Variants in CCDC30 observed in about 807,000 individuals in gnomAD.
CCDC30 encodes coiled-coil domain-containing protein 30.
Under a neutral mutation model 100.2 loss-of-function variants are expected in CCDC30, and 70 were observed. The observed-to-expected ratio is 0.70, with a 90% CI of 0.58 to 0.85. The LOEUF is 0.85. Among genes scored for constraint, CCDC30 ranks in the 40% least tolerant of loss-of-function variants. The pLI is 0.00. For synonymous variants in CCDC30, 233 were observed against 269.5 expected (o/e 0.86, Z 1.33); for missense variants, 652 against 771.2 (o/e 0.85, Z 1.83).
chr1:42,491,862 A>C (rs569091415), intron 4 of CCDC30: 30 of 393,406 alleles, frequency 7.6e-5, no homozygotes, highest in African/African-American at 6.1e-4. Context: ...GTTCAATATA[A>C]GAAATATTGG....
rs1645144554 is a variant in CCDC30, at chr1:42,546,428, A to ATATGTATATATGTATATATATATG, written c.457-19865_457-19864insGTATATATGTATATATATATGTAT. ...TATATATATATATATATATATATAT[A>ATATGTATATATGTATATATATATG]TATATATATATATAGTATTCTAATA... On this transcript the variant is annotated intron_variant, in intron 6 of 16. Coordinates refer to ENST00000668663, the Ensembl canonical transcript of CCDC30. Among the ~76,000 whole-genome samples, 10 of 73,738 alleles carry ATATGTATATATGTATATATATATG rather than the reference A, an allele frequency of 1.4e-4. 1 individual carries two copies. The highest frequency in any genetic ancestry group is 3.9e-4 in the African/African-American group (9 of 23,260). The allele number at this position is 73,738 out of a possible 152,430, so 48.4% of individuals were successfully genotyped here. A position where few individuals can be genotyped will look rare whatever the true frequency, so the allele number is the denominator to read the frequency against.
At chr1:42,573,835 T>C (rs1298928370) in intron 7 of CCDC30, among the ~76,000 whole-genome samples, 1 of 152,162 alleles carries the variant, frequency 6.6e-6, no homozygotes, top group Non-Finnish European at 1.5e-5. Flanking sequence ...CAAATACATG[T>C]TGAATTTCAT....
At chr1:42,620,507 G>A (rs1401918391) in intron 11 of CCDC30, among the ~76,000 whole-genome samples, 3 of 151,454 alleles carry the variant, frequency 2.0e-5, no homozygotes, top group African/African-American at 7.3e-5. Flanking sequence ...AATACCTACA[G>A]ACCTCGCTGG....
chr1:42,544,318 A>G (rs970501197), intron 6 of CCDC30, among the ~76,000 whole-genome samples: 2 of 152,212 alleles, frequency 1.3e-5, no homozygotes, highest in African/African-American at 4.8e-5. Flanking sequence ...CTGTTTGTCA[A>G]AACAAAACAA....
At chr1:42,566,522 T>G (rs374353929) in intron 7 of CCDC30, 47 bp downstream of exon 11, 122 of 1,510,912 alleles carry the variant, frequency 8.1e-5, no homozygotes, top group Non-Finnish European at 1.0e-4. Context: ...CAGTTGGCCC[T>G]GGGAATAAAC....
intron 6 of CCDC30, among the ~76,000 whole-genome samples, chr1:42,527,491 A>G (rs1644739215): frequency 6.6e-6 from 1 of 152,238 alleles, no homozygotes; most frequent in Admixed American, 6.5e-5. Flanking sequence ...CAAAGAATGA[A>G]GGCATATTTT....
intron 6 of CCDC30, among the ~76,000 whole-genome samples, chr1:42,554,061 G>A (rs187477160): frequency 1.4e-4 from 21 of 151,834 alleles, no homozygotes; most frequent in Non-Finnish European, 2.2e-4. Context: ...TTGTTTTTGC[G>A]CCACAATTTT....
chr1:42,475,097 AT>A (rs905766377), intron 1 of CCDC30, among the ~76,000 whole-genome samples: 10 of 152,122 alleles, frequency 6.6e-5, no homozygotes, highest in Non-Finnish European at 1.2e-4. Flanking sequence ...ATAGAAAAAA[AT>A]ATTAGAGATT....
At position 42,472,669 on chromosome 1, in the gene CCDC30, A is replaced by C. The variant is rs530126632; in HGVS notation, c.-91-7792A>C. On this transcript the variant is annotated intron_variant, in intron 1 of 16. Transcript: ENST00000668663. The stretch of plus-strand genomic sequence containing the variant: ...AGCTTTTTTTTTTTCCATTGTACAT[A>C]ATTTTCATTAAGTATATCATGTCAT... Among the ~76,000 whole-genome samples, 5 of 152,150 alleles carry C rather than the reference A, an allele frequency of 3.3e-5. No individual in the cohort carries two copies. In the East Asian group the frequency reaches 9.7e-4, roughly 29 times the overall value.
intron 6 of CCDC30, among the ~76,000 whole-genome samples, chr1:42,501,486 C>T (rs1347267275): frequency 6.6e-6 from 1 of 152,188 alleles, no homozygotes; most frequent in Non-Finnish European, 1.5e-5. Flanking sequence ...ATCTTTGTTC[C>T]ATTGCTGGTG....
intron 11 of CCDC30, among the ~76,000 whole-genome samples, chr1:42,612,994 A>G (rs1557452209): frequency 1.3e-5 from 2 of 152,186 alleles, no homozygotes; most frequent in Non-Finnish European, 2.9e-5. Flanking sequence ...TGTATTGACA[A>G]ACATTCCAAA....
At chr1:42,611,311 T>C (rs936608378) in intron 11 of CCDC30, among the ~76,000 whole-genome samples, 7 of 152,174 alleles carry the variant, frequency 4.6e-5, no homozygotes, top group Non-Finnish European at 7.4e-5. Flanking sequence ...GGAATTACCA[T>C]TCATTGAGCT....
At chr1:42,529,212 G>A (rs919847930) in intron 6 of CCDC30, among the ~76,000 whole-genome samples, 3 of 152,150 alleles carry the variant, frequency 2.0e-5, no homozygotes, top group Non-Finnish European at 2.9e-5. Flanking sequence ...GGTGGCTCAC[G>A]CCTGTAATCC....
chr1:42,492,308 G>T, intron 4 of CCDC30: 1 of 198,244 alleles, frequency 5.0e-6, no homozygotes, highest in South Asian at 8.2e-5. Context: ...CTGGAAAAGA[G>T]AAAAGCTTTG....
chr1:42,641,891 G>C (rs923479576), intron 12 of CCDC30, among the ~76,000 whole-genome samples: 6 of 151,516 alleles, frequency 4.0e-5, no homozygotes, highest in African/African-American at 1.2e-4. Context: ...AAAACAACAT[G>C]ATCTCACTAC....
chr1:42,456,579 A>T, the CCDC30 span: 1 of 1,487,996 alleles, frequency 6.7e-7, no homozygotes, highest in Non-Finnish European at 8.9e-7. Flanking sequence ...GCGGAAATGG[A>T]TCCGGTAGCC....
At chr1:42,650,269 G>C (rs1206162260) in intron 15 of CCDC30, among the ~76,000 whole-genome samples, 1 of 151,990 alleles carries the variant, frequency 6.6e-6, no homozygotes, top group Non-Finnish European at 1.5e-5. Context: ...GATTGCTTGG[G>C]CCCAGGAGTT....
At chr1:42,511,190 G>A (rs936440956) in intron 6 of CCDC30, among the ~76,000 whole-genome samples, 21 of 152,072 alleles carry the variant, frequency 1.4e-4, no homozygotes, top group East Asian at 5.8e-4. Flanking sequence ...TCATGGTTGC[G>A]GGCATGACCC....
intron 11 of CCDC30, among the ~76,000 whole-genome samples, chr1:42,615,568 G>T (rs1232192962): frequency 6.6e-6 from 1 of 152,054 alleles, no homozygotes; most frequent in Non-Finnish European, 1.5e-5. Flanking sequence ...TGTAATCCCT[G>T]CTGGGATTAA....
Sources: gnomAD v4.1 joint callset for allele counts (sites outside exome capture counted in the v4.1 genomes callset) on GRCh38, gnomAD v4.1.1 for gene constraint, MANE v1.5 for transcripts, NCBI Gene and HGNC (gene_info 2026-07-23, HGNC 2026-07-21) for gene names.